Variants in FHIT observed in about 807,000 individuals in gnomAD.
FHIT encodes bis(5'-adenosyl)-triphosphatase.
Under a neutral mutation model 17.9 loss-of-function variants are expected in FHIT, and 19 were observed. The ratio of observed to expected loss-of-function variants is 1.06; its 90% CI spans 0.74 to 1.56. The LOEUF (loss-of-function observed/expected upper bound fraction) is 1.56. Among genes scored for constraint, FHIT ranks in the 40% most tolerant of loss-of-function variants. The pLI, the probability that FHIT is intolerant of heterozygous loss-of-function variation, is 0.00. For missense variants in FHIT, 248 were observed against 189.2 expected (o/e 1.31, Z -1.82); for synonymous variants, 81 against 69.7 (o/e 1.16, Z -0.81).
intron 4 of FHIT, among the ~76,000 whole-genome samples, chr3:60,656,762 A>G (rs1184577659): frequency 6.6e-6 from 1 of 152,172 alleles, no homozygotes; most frequent in Non-Finnish European, 1.5e-5. Flanking sequence ...ATTCTTTCAG[A>G]TTTAACAAGG....
chr3:59,985,087 G>T (rs1166955903), intron 7 of FHIT, among the ~76,000 whole-genome samples: 1 of 152,148 alleles, frequency 6.6e-6, no homozygotes, highest in Admixed American at 6.5e-5. Context: ...CATCTTCTCT[G>T]TGGTGGCTTG....
At chr3:60,289,039 TA>T (rs1184703508) in intron 5 of FHIT, among the ~76,000 whole-genome samples, 1 of 152,214 alleles carries the variant, frequency 6.6e-6, no homozygotes, top group African/African-American at 2.4e-5. Flanking sequence ...ATCATTTTTT[TA>T]ATCCAAGTTT....
chr3:59,837,462 C>G (rs1701378096), intron 8 of FHIT, among the ~76,000 whole-genome samples: 1 of 152,100 alleles, frequency 6.6e-6, no homozygotes, highest in South Asian at 2.1e-4. Flanking sequence ...TTGTTCAGTA[C>G]AAACACAATT....
intron 5 of FHIT, among the ~76,000 whole-genome samples, chr3:60,337,705 G>A (rs901024910): frequency 7.9e-5 from 12 of 152,130 alleles, no homozygotes; most frequent in African/African-American, 2.9e-4. Context: ...ATGATCCTGG[G>A]AGAGAGTACT....
intron 4 of FHIT, among the ~76,000 whole-genome samples, chr3:60,758,748 G>A (rs1163135578): frequency 6.6e-6 from 1 of 152,144 alleles, no homozygotes; most frequent in Non-Finnish European, 1.5e-5. Flanking sequence ...TTATGAACTA[G>A]ACATAGAGCA....
At chr3:59,754,860 C>A (rs534868830) in intron 8 of FHIT, among the ~76,000 whole-genome samples, 29 of 152,232 alleles carry the variant, frequency 1.9e-4, no homozygotes, top group African/African-American at 7.0e-4. Context: ...CTAAAAGCCC[C>A]AGATGGAAGC....
chr3:60,664,554 A>G (rs1473062593), intron 4 of FHIT, among the ~76,000 whole-genome samples: 1 of 151,732 alleles, frequency 6.6e-6, no homozygotes, highest in Non-Finnish European at 1.5e-5. Flanking sequence ...TAAAATTGGC[A>G]TTATTTTTTT....
intron 3 of FHIT, among the ~76,000 whole-genome samples, chr3:60,842,313 G>C (rs1433521489): frequency 1.3e-5 from 2 of 150,910 alleles, no homozygotes; most frequent in Non-Finnish European, 3.0e-5. Flanking sequence ...CTCCTAATGA[G>C]ACCATGTCTA....
chr3:60,271,593 T>A (rs767071808), intron 5 of FHIT, among the ~76,000 whole-genome samples: 1 of 152,202 alleles, frequency 6.6e-6, no homozygotes. Flanking sequence ...TTAGTACTGC[T>A]GTCTCTATGC....
intron 8 of FHIT, among the ~76,000 whole-genome samples, chr3:59,901,401 T>C (rs897946028): frequency 1.3e-5 from 2 of 152,154 alleles, no homozygotes; most frequent in East Asian, 1.9e-4. Context: ...GAGTTAAACA[T>C]GGAAAATTCC....
intron 5 of FHIT, among the ~76,000 whole-genome samples, chr3:60,433,607 C>T (rs1270730570): frequency 1.3e-5 from 2 of 151,994 alleles, no homozygotes; most frequent in African/African-American, 2.4e-5. Flanking sequence ...TGACAACAGC[C>T]CATCCTAACA....
chr3:60,989,685 C>G (rs753695336), intron 3 of FHIT, among the ~76,000 whole-genome samples: 1 of 152,156 alleles, frequency 6.6e-6, no homozygotes, highest in Non-Finnish European at 1.5e-5. Flanking sequence ...AAATTCTGAT[C>G]ATTTTTTGCT....
At chr3:59,750,429 A>G (rs1455540319) in intron 9 of FHIT, 1 of 224,212 alleles carries the variant, frequency 4.5e-6, no homozygotes, top group African/African-American at 2.2e-5. Flanking sequence ...TGGCCTTCAT[A>G]AGAGGAACAG....
intron 3 of FHIT, among the ~76,000 whole-genome samples, chr3:60,965,979 C>T (rs370819743): frequency 2.0e-5 from 3 of 152,158 alleles, no homozygotes; most frequent in Admixed American, 6.5e-5. Context: ...CAGATAGGGA[C>T]GTTTAAGTCT....
chr3:60,734,979 A>G (rs1198619163), intron 4 of FHIT, among the ~76,000 whole-genome samples: 1 of 152,238 alleles, frequency 6.6e-6, no homozygotes, highest in African/African-American at 2.4e-5. Flanking sequence ...AACCAAAGCA[A>G]TTAGGAACAA....
At chr3:60,392,931 G>A (rs926178162) in intron 5 of FHIT, among the ~76,000 whole-genome samples, 1 of 152,088 alleles carries the variant, frequency 6.6e-6, no homozygotes, top group Non-Finnish European at 1.5e-5. Context: ...TTTCGGGAAA[G>A]GTGGCTGAAG....
chr3:60,718,310 C>G (rs200906615), intron 4 of FHIT, among the ~76,000 whole-genome samples: 1 of 152,140 alleles, frequency 6.6e-6, no homozygotes, highest in Admixed American at 6.6e-5. Flanking sequence ...TGTCATGTCT[C>G]GTAATGATCC....
At chr3:60,165,240 T>C (rs890639595) in intron 5 of FHIT, among the ~76,000 whole-genome samples, 1 of 152,212 alleles carries the variant, frequency 6.6e-6, no homozygotes, top group Non-Finnish European at 1.5e-5. Flanking sequence ...GCAGAGTAGA[T>C]GCTCAATTAA....
Position 60,330,751 on chromosome 3 carries a change from C to G in FHIT, c.103+206109G>C, listed in dbSNP as rs143546247. Among the ~76,000 whole-genome samples the G allele has an allele frequency of 3.6e-3, 552 of 152,322 alleles. 4 individuals carry two copies. Among genetic ancestry groups the G allele is most frequent in the African/African-American group, 0.013 (529 of 41,578 alleles). ...AATGCATCAATCTCAGTTTGGTTGT[C>G]TACAGAACGGGATTGCAAAATCTGA... On this transcript the variant is annotated intron_variant, in intron 5 of 9. Coordinates refer to ENST00000492590, the MANE Select transcript of FHIT (RefSeq NM_002012.4).
Sources: allele counts gnomAD v4.1 joint callset (sites outside exome capture counted in the v4.1 genomes callset), GRCh38; gene constraint gnomAD v4.1.1; transcripts MANE v1.5; gene names NCBI Gene and HGNC (gene_info 2026-07-23, HGNC 2026-07-21).